USP45: variants seen among roughly 807,000 people sequenced by gnomAD.
USP45 encodes the protein ubiquitin specific peptidase 45, also known as ubiquitin carboxyl-terminal hydrolase 45.
A neutral mutation model predicts 95.8 loss-of-function variants in USP45; 89 were observed. The ratio of observed to expected loss-of-function variants is 0.93; its 90% CI spans 0.78 to 1.11. USP45 has a LOEUF of 1.11. USP45 is among the 50% of genes least tolerant of loss of function. USP45 has a pLI of 0.00. For synonymous variants in USP45, 281 were observed against 316.2 expected, an observed-to-expected ratio of 0.89 and a Z score of 1.18; for missense variants, 898 against 942.5, an observed-to-expected ratio of 0.95 and a Z score of 0.62.
chr6:99,437,299 C>T lies in USP45; in HGVS notation c.2261G>A (p.Arg754Lys), dbSNP rs762463177. 1 of 1,613,684 alleles carries T rather than the reference C, an allele frequency of 6.2e-7. No homozygotes were observed. The highest frequency in any genetic ancestry group is 8.5e-7 in the Non-Finnish European group (1 of 1,179,854). The stretch of plus-strand genomic sequence containing the variant: ...TTCCGATAATTTCCTGGAGGGTGTT[C>T]TCACTTTCACATAAGCAGTGTAGTG... ...EGHYTAYVKV[R>K]TPSRKLSEHN... Residue 754 changes from arginine to lysine, a missense_variant, in exon 17 of 18, where the codon AGA (arginine) becomes AAA (lysine). Arg to Lys is a conservative substitution (Grantham distance 26). Coordinates refer to ENST00000500704, the MANE Select transcript of USP45 (RefSeq NM_001346022.3).
At chr6:99,467,928 AG>A (rs1562357638) in intron 10 of USP45, among the ~76,000 whole-genome samples, 8 of 43,694 alleles carry the variant, frequency 1.8e-4, no homozygotes, top group Non-Finnish European at 3.3e-4. Flanking sequence ...TGCTAACATT[AG>A]TTAGTATCTC....
chr6:99,480,115 A>G (rs929032539), intron 8 of USP45, among the ~76,000 whole-genome samples: 1 of 152,242 alleles, frequency 6.6e-6, no homozygotes, highest in Non-Finnish European at 1.5e-5. Flanking sequence ...ACAATGAACA[A>G]TTGGAAATTG....
intron 2 of USP45, among the ~76,000 whole-genome samples, chr6:99,509,429 T>G (rs1799273543): frequency 6.6e-6 from 1 of 152,168 alleles, no homozygotes; most frequent in Non-Finnish European, 1.5e-5. Flanking sequence ...TGTGTATAGC[T>G]GTATGCAACT....
Position 99,500,789 on chromosome 6 carries a change from C to T in USP45, c.478+2976G>A, listed in dbSNP as rs186098805. Among the ~76,000 whole-genome samples, 273 of 152,258 alleles carry T rather than the reference C, an allele frequency of 1.8e-3. 2 individuals carry two copies. Among genetic ancestry groups the T allele is most frequent in the East Asian group, 5.6e-3 (29 of 5,176 alleles). On this transcript the variant is annotated intron_variant, in intron 5 of 17. Coordinates refer to ENST00000500704, the MANE Select transcript of USP45 (RefSeq NM_001346022.3). ...TACGACTAGTATGCCTGCTGCAGAACAGAATTCAATAAATGTTTGTTGAAT... is the reference window on the plus strand; with the variant it reads ...TACGACTAGTATGCCTGCTGCAGAATAGAATTCAATAAATGTTTGTTGAAT...
In USP45 at chr6:99,503,812, G is replaced by A; in HGVS notation, c.431C>T (p.Ala144Val). 1 of 1,602,024 alleles carries A rather than the reference G, an allele frequency of 6.2e-7. No homozygotes were observed. The stretch of plus-strand genomic sequence containing the variant: ...TTTCTGGAGAAAATCAACTATCTGA[G>A]CCAAAACCTTCTTATTACAATGCGT... Reference protein sequence around the residue: ...LSTHCNKKVLAQIVDFLQKHA... With the variant: ...LSTHCNKKVLVQIVDFLQKHA... Residue 144 changes from alanine (A) to valine (V), a missense_variant, in exon 5 of 18, where the codon GCT becomes GTT. Coordinates refer to ENST00000500704, the MANE Select transcript of USP45 (RefSeq NM_001346022.3).
chr6:99,468,975 AT>A (rs1221949938), intron 9 of USP45, among the ~76,000 whole-genome samples: 1 of 152,096 alleles, frequency 6.6e-6, no homozygotes, highest in Admixed American at 6.6e-5. Context: ...ACACTTCTTA[AT>A]TAGGACCAAA....
chr6:99,445,599 CTCTT>C (rs1284036902), intron 14 of USP45, among the ~76,000 whole-genome samples, 194 bp downstream of exon 14: 1 of 151,980 alleles, frequency 6.6e-6, no homozygotes, highest in Non-Finnish European at 1.5e-5. Context: ...ATACTTCCTG[CTCTT>C]TATTTAAATA....
chr6:99,450,643 T>G (rs59120839), intron 13 of USP45, among the ~76,000 whole-genome samples: 177 of 152,246 alleles, frequency 1.2e-3, no homozygotes, highest in African/African-American at 4.2e-3. Flanking sequence ...GAAACTATTC[T>G]AATCAATAGA....
intron 16 of USP45, among the ~76,000 whole-genome samples, chr6:99,438,006 C>A (rs1780828195): frequency 6.6e-6 from 1 of 152,196 alleles, no homozygotes; most frequent in African/African-American, 2.4e-5. Flanking sequence ...ATGTATTACT[C>A]TTGGATTCAT....
chr6:99,435,645 C>T lies in USP45; in HGVS notation c.*71G>A. The stretch of plus-strand genomic sequence containing the variant: ...TACAGAAGAGGGAAGACTAGAAAGG[C>T]ACATTATATATTATAGTTATCACTG... On this transcript the variant is annotated 3_prime_UTR_variant, in exon 18 of 18. Transcript: ENST00000500704. The T allele has an allele frequency of 7.4e-7, 1 of 1,358,130 alleles. No homozygotes were observed. The highest frequency in any genetic ancestry group is 1.0e-6 in the Non-Finnish European group (1 of 1,001,918). 84.1% of individuals were successfully genotyped at this position (1,358,130 alleles called of 1,614,324 possible).
intron 2 of USP45, among the ~76,000 whole-genome samples, chr6:99,509,673 G>C (rs1313306635): frequency 3.4e-5 from 5 of 146,952 alleles, no homozygotes; most frequent in Non-Finnish European, 7.5e-5. Flanking sequence ...GCCAATCTAA[G>C]TTACTTCATG....
At chr6:99,517,364 A>G (rs1801177830), upstream of USP45, among the ~76,000 whole-genome samples, 1 of 152,180 alleles carries the variant, frequency 6.6e-6, no homozygotes. Context: ...CTGTTTGGAA[A>G]TATGGGGAAT....
chr6:99,465,563 ACTCT>A (rs1049849836), intron 11 of USP45, among the ~76,000 whole-genome samples: 15 of 152,264 alleles, frequency 9.9e-5, no homozygotes, highest in Middle Eastern at 6.8e-3. Flanking sequence ...TTTAAAAGAT[ACTCT>A]CTATCTTGTG....
At chr6:99,447,869 G>A (rs1159039344) in intron 13 of USP45, among the ~76,000 whole-genome samples, 23 of 152,228 alleles carry the variant, frequency 1.5e-4, no homozygotes, top group Non-Finnish European at 4.4e-5. Flanking sequence ...CGATCAGGTA[G>A]CAACATTTGC....
chr6:99,463,800 CAAAAAAAAAAAAAAA>C (rs398002416), intron 13 of USP45, among the ~76,000 whole-genome samples: 1 of 84,460 alleles, frequency 1.2e-5, no homozygotes, highest in Non-Finnish European at 2.4e-5. Context: ...GACTCCATCT[CAAAAAAAAAAAAAAA>C]AAAAAAAAAA....
chr6:99,510,183 T>G lies in USP45; in HGVS notation c.38A>C (p.Lys13Thr). The G allele has an allele frequency of 6.2e-7, 1 of 1,614,084 alleles. No homozygotes were observed. Among genetic ancestry groups the G allele is most frequent in the Non-Finnish European group, 8.5e-7 (1 of 1,179,948 alleles). The stretch of plus-strand genomic sequence containing the variant: ...AGTAGGCCTTTTACTTCTTTTGGCT[T>G]TCTCAGGTAAAGCTTTAGTTGGATC... Reference protein sequence around the residue: ...VKDPTKALPEKAKRSKRPTVP... With the variant: ...VKDPTKALPETAKRSKRPTVP... Residue 13 changes from lysine to threonine, a missense_variant, in exon 2 of 18, where the codon AAA becomes ACA. Coordinates refer to ENST00000500704, the MANE Select transcript of USP45 (RefSeq NM_001346022.3).
intron 13 of USP45, among the ~76,000 whole-genome samples, chr6:99,448,784 A>G (rs6932681): frequency 0.98 from 149,359 of 152,132 alleles, 73,374 homozygotes; most frequent in East Asian, 1. Context: ...GAGAAAGGTC[A>G]GGTTACCCGC....
chr6:99,446,907 CTAATTTTT>C (rs1782667422), intron 13 of USP45, among the ~76,000 whole-genome samples: 1 of 152,300 alleles, frequency 6.6e-6, no homozygotes, highest in East Asian at 1.9e-4. Flanking sequence ...CCATACCTGG[CTAATTTTT>C]TAATTTTTTG....
intron 5 of USP45, among the ~76,000 whole-genome samples, chr6:99,496,226 T>C (rs1209718475): frequency 1.3e-5 from 2 of 152,066 alleles, no homozygotes; most frequent in African/African-American, 4.8e-5. Flanking sequence ...TCAAGCAATC[T>C]TCCCACCTTA....
Sources: allele counts gnomAD v4.1 joint callset (sites outside exome capture counted in the v4.1 genomes callset), GRCh38; gene constraint gnomAD v4.1.1; transcripts MANE v1.5; gene names NCBI Gene and HGNC (gene_info 2026-07-23, HGNC 2026-07-21).